The following MSX2 variants were observed in gnomAD, a reference collection of about 807,000 sequenced individuals.
MSX2 encodes msh homeobox 2, also known as homeobox protein MSX-2.
In MSX2, 10 loss-of-function variants were observed where a neutral mutation model predicts 18.4. That is an observed-to-expected ratio of 0.54 (90% CI 0.34 to 0.92). The LOEUF is 0.92. MSX2 is among the 40% of genes least tolerant of loss of function. The pLI is 0.02. For synonymous variants in MSX2, 170 were observed against 165.6 expected, an observed-to-expected ratio of 1.03 and a Z score of -0.20; for missense variants, 339 against 364.0, an observed-to-expected ratio of 0.93 and a Z score of 0.56.
In MSX2 at chr5:174,724,633, T is replaced by A; in HGVS notation, c.-27T>A. On this transcript the variant is annotated 5_prime_UTR_variant, in exon 1 of 2. Transcript: ENST00000239243. ...GCCGGGTTGCCAGCGGAGTCGCGCG[T>A]CGGGAGCTACGTAGGGCAGAGAAGT... 6.4e-7 allele frequency: 1 copy of A among 1,571,026 alleles called. No individual in the cohort carries two copies. The highest frequency in any genetic ancestry group is 1.4e-5 in the African/African-American group (1 of 74,008).
Position 174,729,470 on chromosome 5 carries a change from C to T in MSX2, c.691C>T (p.Gln231Ter). Reference protein sequence around the residue: ...SLPFPISSPLQAASIYGASYP... With the variant: ...SLPFPISSPL ...CCCTTTCCCCATCAGCTCGCCCCTG[C>T]AGGCAGCGTCCATATATGGAGCATC... Residue 231 changes from glutamine to a stop codon, truncating the protein, a stop_gained, in exon 2 of 2, where the codon CAG becomes TAG. Transcript: ENST00000239243. LOFTEE classifies it high-confidence loss of function. The T allele has an allele frequency of 6.2e-7, 1 of 1,614,022 alleles. No individual in the cohort carries two copies. The highest frequency in any genetic ancestry group is 8.5e-7 in the Non-Finnish European group (1 of 1,179,876).
chr5:174,727,651 G>A (rs770124735), intron 1 of MSX2, among the ~76,000 whole-genome samples: 4 of 152,192 alleles, frequency 2.6e-5, no homozygotes, highest in African/African-American at 4.8e-5. Flanking sequence ...ATTAGCAAAT[G>A]CAAAAGTATA....
chr5:174,729,024 A>C, intron 1 of MSX2, 135 bp from the exon 2 acceptor site: 1 of 728,002 alleles, frequency 1.4e-6, no homozygotes, highest in Non-Finnish European at 2.3e-6. Context: ...GATTTTTTTA[A>C]AGCTAAGTGC....
rs1760908615 is a variant in MSX2, at chr5:174,730,583, A to AG, written c.*1000_*1001insG. 6.6e-6 allele frequency: 1 copy of AG among 151,962 alleles called. No individual in the cohort carries two copies. Among genetic ancestry groups the AG allele is most frequent in the African/African-American group, 2.4e-5 (1 of 41,222 alleles). 9.4% of individuals were successfully genotyped at this position (151,962 alleles called of 1,614,324 possible). On this transcript the variant is annotated 3_prime_UTR_variant, in exon 2 of 2. Transcript: ENST00000239243. The stretch of plus-strand genomic sequence containing the variant: ...GAACAATTAGTAGATCCAGAAAGAA[A>AG]AAAAAATATGCTTTCTCTGTGTGTG...
At chr5:174,728,987 GTGTGTGTGTA>G (rs1442680263) in intron 1 of MSX2, among the ~76,000 whole-genome samples, 162 bp from the exon 2 acceptor site, 3 of 146,956 alleles carry the variant, frequency 2.0e-5, no homozygotes, top group Non-Finnish European at 4.5e-5. Context: ...GTGTGTGTGT[GTGTGTGTGTA>G]TATGTATGTA....
At chr5:174,728,314 C>T (rs541106592) in intron 1 of MSX2, among the ~76,000 whole-genome samples, 10 of 152,238 alleles carry the variant, frequency 6.6e-5, no homozygotes, top group Admixed American at 2.0e-4. Flanking sequence ...TTTTTCCCTT[C>T]GTCTTAGTAA....
In MSX2 at chr5:174,724,826, A is replaced by G. The variant is rs1311328596; in HGVS notation, c.167A>G (p.Lys56Arg). The G allele has an allele frequency of 1.3e-6, 2 of 1,551,314 alleles. No homozygotes were observed. Among genetic ancestry groups the G allele is most frequent in the African/African-American group, 2.7e-5 (2 of 73,266 alleles). The part of the protein sequence containing the change: ...PFSVEALMSD[K>R]KPPKEASPLP... ...AGCGTGGAGGCGCTCATGTCCGACA[A>G]GAAGCCGCCCAAGGAGGCGTCCCCG... Residue 56 changes from lysine to arginine, a missense_variant, in exon 1 of 2, where the codon AAG (lysine) becomes AGG (arginine). By Grantham distance (26) the Lys-to-Arg change is conservative (BLOSUM62 2). Around this residue, in one of 2 missense-constraint regions of MSX2, gnomAD observed 211 missense variants for 185.4 expected, o/e 1.14. Transcript: ENST00000239243.
chr5:174,726,121 A>G (rs941346396), intron 1 of MSX2, among the ~76,000 whole-genome samples: 1 of 152,108 alleles, frequency 6.6e-6, no homozygotes. Context: ...GAGTCCTTTT[A>G]CAATTTGGAG....
chr5:174,729,780 G>A lies in MSX2; in HGVS notation c.*197G>A. 4 of 535,142 alleles carry A rather than the reference G, an allele frequency of 7.5e-6. No individual in the cohort carries two copies. In the South Asian group the frequency reaches 1.2e-4, roughly 16 times the overall value. The allele number at this position is 535,142 out of a possible 1,614,324, so 33.1% of individuals were successfully genotyped here. On this transcript the variant is annotated 3_prime_UTR_variant, in exon 2 of 2. Transcript: ENST00000239243. ...GGAGGCACCAAGCCCTGTTTTCTTG[G>A]TGTAATCTTCCAGATGCCCCCTTTT... is the stretch of plus-strand genomic sequence containing the variant.
intron 1 of MSX2, among the ~76,000 whole-genome samples, chr5:174,726,818 G>A (rs1760810039): frequency 6.6e-6 from 1 of 152,122 alleles, no homozygotes; most frequent in African/African-American, 2.4e-5. Flanking sequence ...AATGATACAG[G>A]CCTTAAATGG....
At chr5:174,726,959 C>T (rs1425934672) in intron 1 of MSX2, among the ~76,000 whole-genome samples, 3 of 152,098 alleles carry the variant, frequency 2.0e-5, no homozygotes, top group African/African-American at 7.2e-5. Flanking sequence ...CAACCTCGGG[C>T]CCAGGCTGTG....
At position 174,729,363 on chromosome 5, in the gene MSX2, C is replaced by G. The variant is rs1387945571; in HGVS notation, c.584C>G (p.Ala195Gly). The G allele has an allele frequency of 6.2e-7, 1 of 1,614,152 alleles. No homozygotes were observed. The highest frequency in any genetic ancestry group is 1.7e-5 in the Admixed American group (1 of 60,000). Reference sequence around the variant, plus strand: ...AAAATCTGGTTCCAGAACCGAAGGGCCAAGGCGAAAAGACTGCAGGAGGCA... The same window carrying G: ...AAAATCTGGTTCCAGAACCGAAGGGGCAAGGCGAAAAGACTGCAGGAGGCA... ...QVKIWFQNRR[A>G]KAKRLQEAEL... The change falls in exon 2 of 2, where the codon GCC (alanine) becomes GGC (glycine). Residue 195 changes from alanine to glycine, a missense_variant. By Grantham distance (60) the Ala-to-Gly change is moderately conservative. Around this residue, in one of 2 missense-constraint regions of MSX2, gnomAD observed 128 missense variants for 178.6 expected, o/e 0.72. Transcript: ENST00000239243.
intron 1 of MSX2, among the ~76,000 whole-genome samples, chr5:174,727,065 AAAAAC>A (rs1217890533): frequency 3.7e-5 from 4 of 107,386 alleles, no homozygotes; most frequent in Non-Finnish European, 9.1e-5. Flanking sequence ...AAAAAAACAA[AAAAAC>A]AAAAAAAAAA....
rs1760905175 is a variant in MSX2 at position 174,730,478 on chromosome 5, G to T, written c.*895G>T. ...ACATTCATCCTCACAGATTGCAAAG[G>T]TGATTTGGGTGGGGGTTTAGTAATT... is the stretch of plus-strand genomic sequence containing the variant. On this transcript the variant is annotated 3_prime_UTR_variant, in exon 2 of 2. Transcript: ENST00000239243. The T allele has an allele frequency of 6.6e-6, 1 of 152,488 alleles. No homozygotes were observed. Among genetic ancestry groups the T allele is most frequent in the Non-Finnish European group, 1.5e-5 (1 of 68,028 alleles). 9.4% of individuals were successfully genotyped at this position (152,488 alleles called of 1,614,324 possible). A position where few individuals can be genotyped will look rare whatever the true frequency, so the allele number is the denominator to read the frequency against.
At chr5:174,728,200 C>T (rs367979066) in intron 1 of MSX2, among the ~76,000 whole-genome samples, 3 of 152,090 alleles carry the variant, frequency 2.0e-5, no homozygotes, top group South Asian at 2.1e-4. Context: ...CACATTTGCC[C>T]GAAGCCATAG....
intron 1 of MSX2, among the ~76,000 whole-genome samples, chr5:174,728,020 G>A (rs945374391): frequency 2.0e-5 from 3 of 152,122 alleles, no homozygotes; most frequent in East Asian, 1.9e-4. Flanking sequence ...ATCCTCCTCC[G>A]CCCACCCACC....
Position 174,724,669 on chromosome 5 carries a change from C to T in MSX2, c.10C>T (p.Pro4Ser). The T allele has an allele frequency of 6.3e-7, 1 of 1,591,822 alleles. No homozygotes were observed. The highest frequency in any genetic ancestry group is 8.5e-7 in the Non-Finnish European group (1 of 1,170,544). Residue 4 changes from proline to serine, a missense_variant, in exon 1 of 2, where the codon CCG (proline) becomes TCG (serine). By Grantham distance (74) the Pro-to-Ser change is moderately conservative (BLOSUM62 -1). This residue lies in a region of MSX2 where 211 missense variants were observed against 185.4 expected (regional missense o/e 1.14). Transcript: ENST00000239243. ...GTAGGGCAGAGAAGTCATGGCTTCT[C>T]CGTCCAAAGGCAATGACTTGTTTTC... MAS[P>S]SKGNDLFSPD... is the part of the protein sequence containing the mutation.
Position 174,729,721 on chromosome 5 carries a change from G to A in MSX2, c.*138G>A. 2 of 862,290 alleles carry A rather than the reference G, an allele frequency of 2.3e-6. No homozygotes were observed. The highest frequency in any genetic ancestry group is 1.5e-5 in the South Asian group (1 of 68,888). 53.4% of individuals were successfully genotyped at this position (862,290 alleles called of 1,614,324 possible). Reference sequence around the variant, plus strand: ...CACCCTAAGCGGCTAGGCTGACAGGGCCACACGACATAGCTGAAATTTGTT... The same window carrying A: ...CACCCTAAGCGGCTAGGCTGACAGGACCACACGACATAGCTGAAATTTGTT... On this transcript the variant is annotated 3_prime_UTR_variant, in exon 2 of 2. Transcript: ENST00000239243.
Position 174,725,026 on chromosome 5 carries a change from T to C in MSX2, c.367T>C (p.Ser123Pro). ...AAWMQEPGRY[S>P]PPPRHMSPTT... ...GTGGATGCAGGAACCCGGCCGATATTCGCCGCCGCCAAGTGAGTGCGCGCC... is the reference window on the plus strand; with the variant it reads ...GTGGATGCAGGAACCCGGCCGATATCCGCCGCCGCCAAGTGAGTGCGCGCC... The change falls in exon 1 of 2, where the codon TCG becomes CCG. Residue 123 changes from serine to proline, a missense_variant. This residue lies in a region of MSX2 where 211 missense variants were observed against 185.4 expected (regional missense o/e 1.14). Transcript: ENST00000239243. The C allele has an allele frequency of 6.2e-7, 1 of 1,610,706 alleles. No homozygotes were observed. The highest frequency in any genetic ancestry group is 8.5e-7 in the Non-Finnish European group (1 of 1,179,466).
Sources: allele counts gnomAD v4.1 joint callset (sites outside exome capture counted in the v4.1 genomes callset), GRCh38; gene constraint gnomAD v4.1.1; regional missense constraint gnomAD v4.1.1; transcripts MANE v1.5; gene names NCBI Gene and HGNC (gene_info 2026-07-23, HGNC 2026-07-21).